Variants in C8orf34 observed in about 807,000 individuals in gnomAD.
The protein encoded by C8orf34 is uncharacterized protein C8orf34.
C8orf34 carries 65 observed loss-of-function variants against 68.3 expected under a neutral mutation model. The ratio of observed to expected loss-of-function variants is 0.95; its 90% CI spans 0.78 to 1.17. The LOEUF (loss-of-function observed/expected upper bound fraction) is 1.17. Ranked by LOEUF, C8orf34 falls within the 50% of genes most tolerant of loss-of-function variation. The pLI is 0.00. For missense variants in C8orf34, 664 were observed against 655.4 expected, an observed-to-expected ratio of 1.01 and a Z score of -0.14; for synonymous variants, 244 against 241.2, an observed-to-expected ratio of 1.01 and a Z score of -0.11.
chr8:68,731,361 TCAAA>T (rs753853668), intron 10 of C8orf34, among the ~76,000 whole-genome samples: 63 of 152,178 alleles, frequency 4.1e-4, no homozygotes, highest in Non-Finnish European at 8.2e-4. Context: ...GTGTGCTGAC[TCAAA>T]CAAACCAAAA....
chr8:68,383,010 C>G (rs1175142171), intron 1 of C8orf34, among the ~76,000 whole-genome samples: 1 of 152,140 alleles, frequency 6.6e-6, no homozygotes, highest in Non-Finnish European at 1.5e-5. Context: ...AGAGTGCTGT[C>G]TTTCTTTTGG....
chr8:68,804,605 A>T (rs549544645), intron 12 of C8orf34, among the ~76,000 whole-genome samples: 19 of 152,104 alleles, frequency 1.2e-4, no homozygotes, highest in African/African-American at 4.6e-4. Context: ...ACATGGCGAA[A>T]CCCCATCTCT....
intron 7 of C8orf34, among the ~76,000 whole-genome samples, chr8:68,552,084 G>T (rs11997770): frequency 0.26 from 40,071 of 151,960 alleles, 8,634 homozygotes; most frequent in African/African-American, 0.6. Context: ...TTCCAGTGAC[G>T]TACATGTCTG....
intron 10 of C8orf34, among the ~76,000 whole-genome samples, chr8:68,734,835 C>T (rs750696206): frequency 1.3e-5 from 2 of 152,128 alleles, no homozygotes; most frequent in African/African-American, 4.8e-5. Flanking sequence ...CCACTCTGGG[C>T]GGCCAGACCT....
intron 4 of C8orf34, among the ~76,000 whole-genome samples, chr8:68,479,245 G>A (rs533209980): frequency 6.6e-6 from 1 of 152,084 alleles, no homozygotes; most frequent in Non-Finnish European, 1.5e-5. Flanking sequence ...AGAGAGATGA[G>A]GAGTAGAGAA....
At chr8:68,639,780 A>G (rs944443693) in intron 7 of C8orf34, among the ~76,000 whole-genome samples, 1 of 152,108 alleles carries the variant, frequency 6.6e-6, no homozygotes, top group South Asian at 2.1e-4. Context: ...GCTTCAGTAA[A>G]CCTTTGGAGC....
At chr8:68,735,866 C>CT (rs1563637994) in intron 10 of C8orf34, among the ~76,000 whole-genome samples, 1 of 152,272 alleles carries the variant, frequency 6.6e-6, no homozygotes, top group Non-Finnish European at 1.5e-5. Flanking sequence ...CTCTTTCCCT[C>CT]TTTTTGTGAA....
At chr8:68,603,141 T>TTTGTTG (rs148291265) in intron 7 of C8orf34, among the ~76,000 whole-genome samples, 1 of 151,178 alleles carries the variant, frequency 6.6e-6, no homozygotes, top group Admixed American at 6.6e-5. Flanking sequence ...ATGTCCAGGG[T>TTTGTTG]TTGTTGTTGT....
At chr8:68,781,008 A>G (rs2953947) in intron 11 of C8orf34, among the ~76,000 whole-genome samples, 71,447 of 151,968 alleles carry the variant, frequency 0.47, 19,488 homozygotes, top group African/African-American at 0.76. Context: ...TTTTACAGGG[A>G]TTCCATGGTT....
At chr8:68,799,038 GTATT>G (rs1824257465) in intron 12 of C8orf34, among the ~76,000 whole-genome samples, 1 of 152,142 alleles carries the variant, frequency 6.6e-6, no homozygotes, top group Admixed American at 6.5e-5. Context: ...AGAGAAGGCT[GTATT>G]TAAACAATGA....
rs557636988 is a variant in C8orf34, at chr8:68,622,466, T to A, written c.1106-17910T>A. On this transcript the variant is annotated intron_variant, in intron 7 of 13. Coordinates refer to ENST00000518698, the MANE Select transcript of C8orf34 (RefSeq NM_052958.4). ...TGACGCTCTTAAAGGAAAAAAAAAA[T>A]AAAAGTTGTAAGTGAGAAAGGGACC... Among the ~76,000 whole-genome samples, 12 of 151,830 alleles carry A rather than the reference T, an allele frequency of 7.9e-5. 1 individual carries two copies. The highest frequency in any genetic ancestry group is 1.2e-4 in the African/African-American group (5 of 41,420).
intron 10 of C8orf34, among the ~76,000 whole-genome samples, chr8:68,736,161 C>A (rs1026308346): frequency 1.4e-4 from 22 of 152,134 alleles, no homozygotes; most frequent in African/African-American, 5.1e-4. Flanking sequence ...TAAGCCTTTG[C>A]TCAGCCATGA....
At chr8:68,792,569 C>A (rs145178504) in intron 12 of C8orf34, 1 of 25,040 alleles carries the variant, frequency 4.0e-5, no homozygotes, top group Non-Finnish European at 6.1e-5. Flanking sequence ...GAGACTCCAT[C>A]TCAAAAAAAA....
At chr8:68,799,926 T>C (rs962038362) in intron 12 of C8orf34, among the ~76,000 whole-genome samples, 1 of 152,134 alleles carries the variant, frequency 6.6e-6, no homozygotes, top group Non-Finnish European at 1.5e-5. Flanking sequence ...GAAGGTCATA[T>C]AGGCAAGAAC....
intron 12 of C8orf34, among the ~76,000 whole-genome samples, chr8:68,797,885 G>A (rs537728044): frequency 7.4e-4 from 113 of 152,244 alleles, no homozygotes; most frequent in Non-Finnish European, 1.3e-3. Flanking sequence ...ACAGGACTTT[G>A]GTGCTTTGTT....
chr8:68,691,601 T>C (rs1820687090), intron 8 of C8orf34, among the ~76,000 whole-genome samples: 1 of 152,126 alleles, frequency 6.6e-6, no homozygotes, highest in South Asian at 2.1e-4. Context: ...TTCAAAGCAT[T>C]ATGAATTTTC....
intron 3 of C8orf34, among the ~76,000 whole-genome samples, chr8:68,463,376 G>T (rs1271245452): frequency 1.3e-5 from 2 of 151,658 alleles, no homozygotes; most frequent in Non-Finnish European, 2.9e-5. Context: ...GGAGGAACTG[G>T]TACCATTCCT....
At chr8:68,558,367 T>TA (rs36029605) in intron 7 of C8orf34, among the ~76,000 whole-genome samples, 40,041 of 151,952 alleles carry the variant, frequency 0.26, 8,195 homozygotes, top group African/African-American at 0.58. Flanking sequence ...ATTTTTCCAT[T>TA]AAAAATGTTG....
chr8:68,803,203 A>T (rs1427044386), intron 12 of C8orf34, among the ~76,000 whole-genome samples: 1 of 152,102 alleles, frequency 6.6e-6, no homozygotes, highest in East Asian at 1.9e-4. Flanking sequence ...AGAAAGAAAA[A>T]CTTTTTGCCA....
Sources: allele counts gnomAD v4.1 joint callset (sites outside exome capture counted in the v4.1 genomes callset), GRCh38; gene constraint gnomAD v4.1.1; transcripts MANE v1.5; gene names NCBI Gene and HGNC (gene_info 2026-07-23, HGNC 2026-07-21).